RREB1: variants seen among roughly 807,000 people sequenced by gnomAD.
RREB1 encodes the protein ras responsive element binding protein 1.
Under a neutral mutation model 117.8 loss-of-function variants are expected in RREB1, and 27 were observed. The ratio of observed to expected loss-of-function variants is 0.23; its 90% confidence interval spans 0.17 to 0.32. RREB1 has a LOEUF of 0.32. Among genes scored for constraint, RREB1 ranks in the 10% least tolerant of loss-of-function variants. The pLI is 1.00. For synonymous variants in RREB1, 1,298 were observed against 1,026.7 expected, an observed-to-expected ratio of 1.26 and a Z score of -5.05; for missense variants, 2,577 against 2,378.2, an observed-to-expected ratio of 1.08 and a Z score of -1.74.
At chr6:7,233,156 A>G (rs1393811825) in intron 10 of RREB1, among the ~76,000 whole-genome samples, 1 of 152,230 alleles carries the variant, frequency 6.6e-6, no homozygotes, top group Non-Finnish European at 1.5e-5. Context: ...TTGGCCTCTC[A>G]AAGTGCTGGG....
chr6:7,233,387 T>C (rs1052523559), intron 10 of RREB1, among the ~76,000 whole-genome samples: 3 of 152,350 alleles, frequency 2.0e-5, no homozygotes, highest in Admixed American at 6.5e-5. Context: ...ATTTGTGTTA[T>C]TGAACTAAGC....
rs9505082 is a variant in RREB1, at chr6:7,211,968, G to C, written c.707+259G>C. On this transcript the variant is annotated intron_variant, in intron 8 of 12. Transcript: ENST00000379938. Reference sequence around the variant, plus strand: ...AAGCCCCTTGAGTAGTCACCAGTGAGCCCCTGAACACTGGGGAGTCTGCTA... The same window carrying C: ...AAGCCCCTTGAGTAGTCACCAGTGACCCCCTGAACACTGGGGAGTCTGCTA... 6.4e-3 allele frequency: 3,003 copies of C among 467,670 alleles called. 69 individuals carry two copies. The highest frequency in any genetic ancestry group is 0.052 in the African/African-American group (2,666 of 51,084). 29.0% of individuals were successfully genotyped at this position (467,670 alleles called of 1,614,324 possible).
In RREB1 at chr6:7,236,887, G is replaced by GTTTTTTTT. The variant is rs869133214; in HGVS notation, c.3809-3533_3809-3526dup. Among the ~76,000 whole-genome samples, 15 of 63,420 alleles carry GTTTTTTTT rather than the reference G, an allele frequency of 2.4e-4. 1 individual carries two copies. Among genetic ancestry groups the GTTTTTTTT allele is most frequent in the East Asian group, 5.6e-4 (1 of 1,780 alleles). 41.6% of individuals were successfully genotyped at this position (63,420 alleles called of 152,430 possible). A position where few individuals can be genotyped will look rare whatever the true frequency, so the allele number is the denominator to read the frequency against. On this transcript the variant is annotated intron_variant, in intron 10 of 12. Transcript: ENST00000379938. Reference sequence around the variant, plus strand: ...TAATTTTTTTTGTTTGTTTTTGGAGGTTTTTTTTTTTTTTTTTTTTTTTTT... The same window carrying GTTTTTTTT: ...TAATTTTTTTTGTTTGTTTTTGGAGGTTTTTTTTTTTTTTTTTTTTTTTTTTTTTTTTT...
chr6:7,210,720 C>A, intron 6 of RREB1, 84 bp from the exon 7 acceptor site: 1 of 1,225,378 alleles, frequency 8.2e-7, no homozygotes. Flanking sequence ...ATTTAAGTAC[C>A]AGTGCCTAAA....
intron 5 of RREB1, among the ~76,000 whole-genome samples, chr6:7,188,118 A>G (rs984685066): frequency 6.6e-6 from 1 of 152,168 alleles, no homozygotes. Context: ...CAGTGACCCA[A>G]GATTGCGCCA....
In RREB1 at chr6:7,231,170, T is replaced by G; in HGVS notation, c.3071T>G (p.Val1024Gly). 6.2e-7 allele frequency: 1 copy of G among 1,611,696 alleles called. No homozygotes were observed. The change falls in exon 10 of 13, where the codon GTC (valine) becomes GGC (glycine). Residue 1024 changes from valine (V) to glycine (G), a missense_variant. Coordinates refer to ENST00000379938, the MANE Select transcript of RREB1 (RefSeq NM_001003699.4). ...GTCCCAATCTACTCCTCAGCCCTGG[T>G]CAGCAGCCCTCCACTCGTGGGCAGC... ...LAVPIYSSAL[V>G]SSPPLVGSSA...
intron 1 of RREB1, among the ~76,000 whole-genome samples, chr6:7,166,446 G>A (rs1177931748): frequency 6.6e-6 from 1 of 152,208 alleles, no homozygotes; most frequent in Non-Finnish European, 1.5e-5. Context: ...AGGCGAATTT[G>A]GGGGTGAGGG....
chr6:7,122,692 T>C (rs1360076157), intron 1 of RREB1, among the ~76,000 whole-genome samples: 3 of 152,250 alleles, frequency 2.0e-5, no homozygotes, highest in African/African-American at 7.2e-5. Context: ...CTTTGAAAAC[T>C]GGACTTAAGC....
chr6:7,142,938 T>C (rs78255058), intron 1 of RREB1, among the ~76,000 whole-genome samples: 5,675 of 152,316 alleles, frequency 0.037, 138 homozygotes, highest in Non-Finnish European at 0.051. Flanking sequence ...CATGAACCAG[T>C]GGCTGGGGCA....
At chr6:7,236,131 C>T (rs1251994903) in intron 10 of RREB1, among the ~76,000 whole-genome samples, 3 of 152,154 alleles carry the variant, frequency 2.0e-5, no homozygotes, top group African/African-American at 7.2e-5. Context: ...CTGCCTTTAC[C>T]CCTCGGGAGC....
In RREB1 at chr6:7,230,622, G is replaced by T. The variant is rs542718915; in HGVS notation, c.2523G>T (p.Ala841=). The T allele has an allele frequency of 6.2e-7, 1 of 1,604,600 alleles. No homozygotes were observed. The highest frequency in any genetic ancestry group is 1.1e-5 in the South Asian group (1 of 90,182). ...LGPAEAPAAE[A]SGRGEDSGCA... ...CCGCAGAGGCGCCGGCCGCTGAGGC[G>T]TCGGGGCGCGGGGAGGACAGTGGCT... is the stretch of plus-strand genomic sequence containing the variant. The change falls in exon 10 of 13, where the codon GCG becomes GCT. Residue 841 remains alanine (A), a synonymous_variant. Coordinates refer to ENST00000379938, the MANE Select transcript of RREB1 (RefSeq NM_001003699.4).
chr6:7,169,256 T>C (rs948891655), intron 1 of RREB1, among the ~76,000 whole-genome samples: 20 of 152,208 alleles, frequency 1.3e-4, no homozygotes, highest in African/African-American at 4.8e-4. Flanking sequence ...TAATTCCCTG[T>C]GGGACATCTT....
chr6:7,231,521 C>G lies in RREB1; in HGVS notation c.3422C>G (p.Pro1141Arg), dbSNP rs201520366. The change falls in exon 10 of 13, where the codon CCC becomes CGC. Residue 1141 changes from proline (P) to arginine (R), a missense_variant. Pro to Arg is a moderately radical substitution (Grantham distance 103). Coordinates refer to ENST00000379938, the MANE Select transcript of RREB1 (RefSeq NM_001003699.4). The stretch of plus-strand genomic sequence containing the variant: ...GCCAGCAGCCCAGAGGCTGCCTCTC[C>G]CACCGAGCAGGGCCCAGCGGGCACG... Reference protein sequence around the residue: ...APASSPEAASPTEQGPAGTSK... With the variant: ...APASSPEAASRTEQGPAGTSK... 4,421 of 1,609,010 alleles carry G rather than the reference C, an allele frequency of 2.7e-3. 10 individuals are homozygous for G. The highest frequency in any genetic ancestry group is 3.4e-3 in the Non-Finnish European group (4,007 of 1,177,734).
At chr6:7,191,670 G>A (rs1378943714) in intron 6 of RREB1, among the ~76,000 whole-genome samples, 1 of 152,142 alleles carries the variant, frequency 6.6e-6, no homozygotes, top group African/African-American at 2.4e-5. Context: ...AGTTTTCAGA[G>A]TACAAGTTTT....
At chr6:7,239,715 G>T (rs1323626086) in intron 10 of RREB1, among the ~76,000 whole-genome samples, 2 of 152,330 alleles carry the variant, frequency 1.3e-5, no homozygotes, top group East Asian at 1.9e-4. Flanking sequence ...ACATAGTTAC[G>T]TATTGGTCAC....
chr6:7,193,474 TAGAC>T (rs1561773254), intron 6 of RREB1, among the ~76,000 whole-genome samples: 1 of 152,242 alleles, frequency 6.6e-6, no homozygotes, highest in Non-Finnish European at 1.5e-5. Context: ...ACTAAAGTAA[TAGAC>T]AGTGCTAAGA....
At chr6:7,117,388 G>GTTTTTTTTTTTTTTTTTTTTTTTTTTTT (rs70978941) in intron 1 of RREB1, among the ~76,000 whole-genome samples, 4 of 63,292 alleles carry the variant, frequency 6.3e-5, no homozygotes, top group Admixed American at 4.4e-4. Context: ...TAGGTTTCCT[G>GTTTTTTTTTTTTTTTTTTTTTTTTTTTT]TTTTTTTTTT....
chr6:7,170,364 C>T (rs1472885190), intron 1 of RREB1, among the ~76,000 whole-genome samples: 5 of 152,046 alleles, frequency 3.3e-5, no homozygotes, highest in South Asian at 2.1e-4. Context: ...CTGTTCTCCC[C>T]GTCACCTGCC....
chr6:7,205,284 G>A (rs1766212370), intron 6 of RREB1, among the ~76,000 whole-genome samples: 1 of 152,214 alleles, frequency 6.6e-6, no homozygotes, highest in Admixed American at 6.5e-5. Flanking sequence ...AAGCTCCCAG[G>A]TGGTGCCCAT....
Sources: allele counts gnomAD v4.1 joint callset (sites outside exome capture counted in the v4.1 genomes callset), GRCh38; gene constraint gnomAD v4.1.1; transcripts MANE v1.5; gene names NCBI Gene and HGNC (gene_info 2026-07-23, HGNC 2026-07-21).